Variants in CDH23 observed in about 807,000 individuals in gnomAD.
The protein encoded by CDH23 is cadherin related 23, also known as cadherin-23.
Under a neutral mutation model 317.1 loss-of-function variants are expected in CDH23, and 189 were observed. The observed-to-expected ratio is 0.60, with a 90% CI of 0.53 to 0.67. The LOEUF (loss-of-function observed/expected upper bound fraction) is 0.67, where lower values mean the gene tolerates loss of function less well. Among genes scored for constraint, CDH23 ranks in the 30% least tolerant of loss-of-function variants. CDH23 has a pLI of 0.00. For missense variants in CDH23, 4,401 were observed against 4,592.4 expected (o/e 0.96, Z 1.20); for synonymous variants, 1,839 against 1,876.8 (o/e 0.98, Z 0.52).
intron 62 of CDH23, 79 bp downstream of exon 62, chr10:71,810,648 C>A: frequency 7.8e-7 from 1 of 1,289,400 alleles, no homozygotes; most frequent in Non-Finnish European, 1.1e-6. Context: ...AGGGGACACA[C>A]CAAAGGAGAC....
At chr10:71,659,950 C>G (rs1238615336) in intron 14 of CDH23, among the ~76,000 whole-genome samples, 6 of 144,142 alleles carry the variant, frequency 4.2e-5, no homozygotes, top group Non-Finnish European at 7.6e-5. Context: ...CTTTTCTTTT[C>G]TTTCTTTCCG....
intron 6 of CDH23, among the ~76,000 whole-genome samples, chr10:71,565,693 C>T (rs183577786): frequency 3.7e-4 from 56 of 152,270 alleles, no homozygotes; most frequent in African/African-American, 1.2e-3. Context: ...CACTTATGTG[C>T]TAGAATGTTT....
intron 32 of CDH23, among the ~76,000 whole-genome samples, chr10:71,733,581 A>G (rs1839462503): frequency 1.3e-5 from 2 of 152,218 alleles, no homozygotes; most frequent in South Asian, 4.1e-4. Flanking sequence ...GCCAGGAACC[A>G]GGGACAGAGA....
chr10:71,670,136 G>A (rs1864083319), intron 14 of CDH23, among the ~76,000 whole-genome samples: 2 of 152,238 alleles, frequency 1.3e-5, no homozygotes, highest in African/African-American at 4.8e-5. Flanking sequence ...GGGCAGGGCA[G>A]GGGCAATAGG....
chr10:71,732,032 G>A lies in CDH23; in HGVS notation c.3761G>A (p.Gly1254Glu), dbSNP rs912031646. ...VNYRILSGAE[G>E]KFEIDESTGL... Reference sequence around the variant, plus strand: ...TACCGCATCCTGTCGGGCGCAGAGGGGAAGTTTGAGATTGACGAGAGCACA... The same window carrying A: ...TACCGCATCCTGTCGGGCGCAGAGGAGAAGTTTGAGATTGACGAGAGCACA... Residue 1254 changes from glycine to glutamate, a missense_variant, in exon 32 of 70, where the codon GGG (glycine) becomes GAG (glutamate). Around this residue, in one of 3 missense-constraint regions of CDH23, gnomAD observed 3,068 missense variants for 3,203.3 expected, o/e 0.96. Transcript: ENST00000224721. 1.2e-6 allele frequency: 2 copies of A among 1,613,974 alleles called. No individual in the cohort carries two copies. Among genetic ancestry groups the A allele is most frequent in the Non-Finnish European group, 1.7e-6 (2 of 1,179,892 alleles).
At chr10:71,634,210 CCT>C (rs768220509) in intron 11 of CDH23, among the ~76,000 whole-genome samples, 66 of 152,360 alleles carry the variant, frequency 4.3e-4, no homozygotes, top group Admixed American at 9.1e-4. Flanking sequence ...GCGAGTACTC[CCT>C]CTCTGCGGTG....
chr10:71,533,454 G>A (rs1436435229), intron 6 of CDH23, among the ~76,000 whole-genome samples: 2 of 151,528 alleles, frequency 1.3e-5, no homozygotes, highest in African/African-American at 2.4e-5. Flanking sequence ...GCCCTGCCCC[G>A]CAGAAGCCTG....
intron 11 of CDH23, among the ~76,000 whole-genome samples, chr10:71,624,121 C>T (rs901479898): frequency 2.0e-5 from 3 of 152,210 alleles, no homozygotes; most frequent in African/African-American, 7.2e-5. Context: ...GGCCTTCCCC[C>T]TGCCCACTGA....
intron 46 of CDH23, among the ~76,000 whole-genome samples, 156 bp downstream of exon 46, chr10:71,790,569 A>T (rs1441489228): frequency 6.6e-6 from 1 of 152,070 alleles, no homozygotes; most frequent in Non-Finnish European, 1.5e-5. Context: ...CAGCTGGGTT[A>T]TATCACCCAG....
chr10:71,720,736 T>A (rs779794895), intron 28 of CDH23, among the ~76,000 whole-genome samples: 1 of 152,178 alleles, frequency 6.6e-6, no homozygotes, highest in Admixed American at 6.5e-5. Context: ...CTATGGACTG[T>A]TAAAGCTGGA....
In CDH23 at chr10:71,790,817, G is replaced by A. The variant is rs1284839407; in HGVS notation, c.6050-315G>A. On this transcript the variant is annotated intron_variant, in intron 46 of 69. Coordinates refer to ENST00000224721, the MANE Select transcript of CDH23 (RefSeq NM_022124.6). The stretch of plus-strand genomic sequence containing the variant: ...ACAGGAGGCCGCTTTGGTGACAGGT[G>A]CCGACAGGAAAGCACATCTGTCAAC... 6.2e-6 allele frequency: 3 copies of A among 484,688 alleles called. No individual in the cohort carries two copies. In the East Asian group the frequency reaches 1.1e-4, roughly 18 times the overall value. The allele number at this position is 484,688 out of a possible 1,614,324, so 30.0% of individuals were successfully genotyped here. A position where few individuals can be genotyped will look rare whatever the true frequency, so the allele number is the denominator to read the frequency against.
intron 42 of CDH23, 125 bp from the exon 43 acceptor site, chr10:71,784,766 T>A: frequency 1.4e-6 from 1 of 726,346 alleles, no homozygotes; most frequent in Middle Eastern, 2.8e-4. Context: ...CTTTTCTCTT[T>A]CTTCTCCATG....
At chr10:71,532,711 GTTTT>G (rs531593760) in intron 6 of CDH23, among the ~76,000 whole-genome samples, 41 of 128,156 alleles carry the variant, frequency 3.2e-4, no homozygotes, top group East Asian at 1.0e-3. Context: ...TTTTGTTTTT[GTTTT>G]TTTTTTTTTT....
At chr10:71,659,022 C>T (rs974393639) in intron 14 of CDH23, among the ~76,000 whole-genome samples, 1 of 152,226 alleles carries the variant, frequency 6.6e-6, no homozygotes, top group Non-Finnish European at 1.5e-5. Context: ...GTGCCAACAA[C>T]ACCTGAGTGT....
At chr10:71,792,527 A>C (rs1841279190) in intron 47 of CDH23, among the ~76,000 whole-genome samples, 1 of 152,004 alleles carries the variant, frequency 6.6e-6, no homozygotes, top group Admixed American at 6.6e-5. Flanking sequence ...ACAAACCAAA[A>C]AGTATATTTG....
intron 1 of CDH23, among the ~76,000 whole-genome samples, chr10:71,401,149 A>G (rs1002882074): frequency 6.6e-6 from 1 of 152,060 alleles, no homozygotes; most frequent in Non-Finnish European, 1.5e-5. Context: ...GTTCTTCTGT[A>G]TTCCAGCCTC....
Position 71,806,161 on chromosome 10 carries a change from C to T in CDH23, c.8065-7C>T. On this transcript the variant is annotated splice_polypyrimidine_tract_variant and splice_region_variant and intron_variant, in intron 56 of 69. Coordinates refer to ENST00000224721, the MANE Select transcript of CDH23 (RefSeq NM_022124.6). ...CTTTTCCTCTGACTGTGCTCTTCCG[C>T]TCCTAGCTCATCTTGGTGGCCAGCG... is the stretch of plus-strand genomic sequence containing the variant. 1.9e-6 allele frequency: 3 copies of T among 1,556,996 alleles called. No homozygotes were observed. The highest frequency in any genetic ancestry group is 4.8e-5 in the East Asian group (2 of 41,412).
chr10:71,735,333 G>C (rs141351736), intron 34 of CDH23, among the ~76,000 whole-genome samples: 1 of 152,166 alleles, frequency 6.6e-6, no homozygotes, highest in African/African-American at 2.4e-5. Flanking sequence ...CTGGGCCCCT[G>C]GGGGAGGGGG....
Position 71,510,996 on chromosome 10 carries a change from CA to C in CDH23, c.332del (p.Gln111ArgfsTer3). 6.2e-7 allele frequency: 1 copy of C among 1,613,882 alleles called. No homozygotes were observed. Among genetic ancestry groups the C allele is most frequent in the South Asian group, 1.1e-5 (1 of 91,074 alleles). ...CGTGGAGTTCTCTGTCAGCGACCAC[CA>C]GGGGGTGAGTGTTCCCTGGGGCCCT... ...FTVEFSVSDHQGVITRKVNIQ... is the reference protein window; with the variant it reads ...FTVEFSVSDHXGVITRKVNIQ... On this transcript the variant is annotated frameshift_variant, in exon 5 of 70. Transcript: ENST00000224721. LOFTEE classifies it high-confidence loss of function.
Sources: gnomAD v4.1 joint callset for allele counts (sites outside exome capture counted in the v4.1 genomes callset) on GRCh38, gnomAD v4.1.1 for gene constraint, gnomAD v4.1.1 regional missense constraint, MANE v1.5 for transcripts, NCBI Gene and HGNC (gene_info 2026-07-23, HGNC 2026-07-21) for gene names.